CORO1C: variants seen among roughly 807,000 people sequenced by gnomAD.
CORO1C encodes the protein coronin 1C, also known as coronin-1C.
Under a neutral mutation model 51.2 loss-of-function variants are expected in CORO1C, and 14 were observed. The ratio of observed to expected loss-of-function variants is 0.27; its 90% CI spans 0.18 to 0.43. The LOEUF is 0.43. CORO1C is among the 20% of genes least tolerant of loss of function. The probability of loss-of-function intolerance (pLI) is 1.00; values close to 1 mark genes in which losing one functional copy is unlikely to be tolerated. For synonymous variants in CORO1C, 181 were observed against 210.5 expected, an observed-to-expected ratio of 0.86 and a Z score of 1.21; for missense variants, 417 against 607.8, an observed-to-expected ratio of 0.69 and a Z score of 3.30.
intron 1 of CORO1C, among the ~76,000 whole-genome samples, chr12:108,716,078 C>G (rs1459432882): frequency 7.7e-6 from 1 of 130,348 alleles, no homozygotes; most frequent in African/African-American, 2.9e-5. Flanking sequence ...TTGCAGTGAG[C>G]CAAGATCGCC....
intron 2 of CORO1C, among the ~76,000 whole-genome samples, chr12:108,698,105 G>A (rs1024914825): frequency 1.3e-5 from 2 of 152,164 alleles, no homozygotes; most frequent in Admixed American, 1.3e-4. Context: ...CAGGGCTCAC[G>A]GGCCAAGCCC....
At chr12:108,714,671 G>A (rs930092887) in intron 1 of CORO1C, among the ~76,000 whole-genome samples, 3 of 152,118 alleles carry the variant, frequency 2.0e-5, no homozygotes, top group South Asian at 2.1e-4. Context: ...CTGAGGGCAG[G>A]AGGATTGCTT....
In CORO1C at chr12:108,645,121, T is replaced by C. The variant is rs1279690240; in HGVS notation, c.*2282A>G. 4 of 151,618 alleles carry C rather than the reference T, an allele frequency of 2.6e-5. No individual in the cohort carries two copies. In the East Asian group the frequency reaches 7.7e-4, roughly 29 times the overall value. The allele number at this position is 151,618 out of a possible 1,614,324, so 9.4% of individuals were successfully genotyped here. A position where few individuals can be genotyped will look rare whatever the true frequency, so the allele number is the denominator to read the frequency against. ...AACACAAACACCATTTTGTAATCAA[T>C]GATTTTTATCTCTGAAAATGGAAGC... is the stretch of plus-strand genomic sequence containing the variant. On this transcript the variant is annotated 3_prime_UTR_variant, in exon 11 of 11. Coordinates refer to ENST00000261401, the MANE Select transcript of CORO1C (RefSeq NM_014325.4).
intron 1 of CORO1C, among the ~76,000 whole-genome samples, chr12:108,728,019 C>T (rs1009041586): frequency 6.6e-6 from 1 of 152,172 alleles, no homozygotes; most frequent in Non-Finnish European, 1.5e-5. Flanking sequence ...TAGGGAAACA[C>T]AGATGACTAG....
rs535245759 is a variant in CORO1C at position 108,675,119 on chromosome 12, G to A, written c.318+3153C>T. Among the ~76,000 whole-genome samples the A allele has an allele frequency of 3.3e-5, 5 of 152,264 alleles. No individual in the cohort carries two copies. The South Asian group carries it at 1.0e-3, about 32-fold the overall frequency. On this transcript the variant is annotated intron_variant, in intron 3 of 10. Coordinates refer to ENST00000261401, the MANE Select transcript of CORO1C (RefSeq NM_014325.4). ...TCATCAGTCAGCAGCCATCAACACTGAGGGGAAACCCTCCACAGCAAAAAG... is the reference window on the plus strand; with the variant it reads ...TCATCAGTCAGCAGCCATCAACACTAAGGGGAAACCCTCCACAGCAAAAAG...
intron 3 of CORO1C, among the ~76,000 whole-genome samples, chr12:108,669,143 T>G (rs1266594354): frequency 6.6e-6 from 1 of 152,232 alleles, no homozygotes; most frequent in Non-Finnish European, 1.5e-5. Flanking sequence ...GAATGTATCT[T>G]AAGATTGGTG....
At chr12:108,648,178 C>T (rs2032459318) in intron 10 of CORO1C, among the ~76,000 whole-genome samples, 2 of 152,278 alleles carry the variant, frequency 1.3e-5, no homozygotes, top group Admixed American at 1.3e-4. Flanking sequence ...CATCTGAACA[C>T]GTGCCACTCC....
chr12:108,651,496 G>A (rs116395482), intron 8 of CORO1C, among the ~76,000 whole-genome samples: 180 of 152,218 alleles, frequency 1.2e-3, no homozygotes, highest in Middle Eastern at 3.4e-3. Flanking sequence ...CTAACCTACC[G>A]CCCCATTATA....
intron 1 of CORO1C, among the ~76,000 whole-genome samples, chr12:108,719,945 G>A (rs2035436495): frequency 6.6e-6 from 1 of 152,184 alleles, no homozygotes. Context: ...AGCACTTTGG[G>A]AGGCTGAGGC....
intron 3 of CORO1C, among the ~76,000 whole-genome samples, chr12:108,671,282 G>A (rs558672786): frequency 1.3e-4 from 20 of 152,112 alleles, no homozygotes; most frequent in Admixed American, 3.3e-4. Context: ...GCATGATCGT[G>A]CCACTGTACT....
intron 4 of CORO1C, 32 bp downstream of exon 4, chr12:108,661,997 A>G (rs771125117): frequency 6.2e-7 from 1 of 1,613,602 alleles, no homozygotes; most frequent in African/African-American, 1.3e-5. Flanking sequence ...AGAGTGGAAG[A>G]CAAGGGGAGG....
chr12:108,647,846 A>G (rs1173883857), intron 10 of CORO1C, among the ~76,000 whole-genome samples: 1 of 152,182 alleles, frequency 6.6e-6, no homozygotes, highest in African/African-American at 2.4e-5. Context: ...GGCTCCTTCA[A>G]CAGTGTCCTA....
chr12:108,708,835 C>G (rs1348730588), intron 1 of CORO1C, among the ~76,000 whole-genome samples: 1 of 152,006 alleles, frequency 6.6e-6, no homozygotes, highest in Admixed American at 6.6e-5. Flanking sequence ...TCATTGCAGC[C>G]TGAAACTCCT....
chr12:108,726,150 A>C lies in CORO1C; in HGVS notation c.-6+5279T>G, dbSNP rs541835598. Among the ~76,000 whole-genome samples the C allele has an allele frequency of 5.3e-5, 8 of 152,306 alleles. No individual in the cohort carries two copies. In the South Asian group the frequency reaches 1.7e-3, roughly 32 times the overall value. On this transcript the variant is annotated intron_variant, in intron 1 of 10. Coordinates refer to ENST00000261401, the MANE Select transcript of CORO1C (RefSeq NM_014325.4). ...GCCCGGCATGAAATATTTTTAATTA[A>C]AGTATTTTAAAAATAAACATAATCT...
At chr12:108,707,324 T>C (rs928494365) in intron 1 of CORO1C, among the ~76,000 whole-genome samples, 6 of 152,198 alleles carry the variant, frequency 3.9e-5, no homozygotes, top group Non-Finnish European at 7.3e-5. Context: ...TGTGTGGTAC[T>C]GGAATAAGGA....
chr12:108,695,851 TAAA>T (rs924887183), intron 2 of CORO1C, among the ~76,000 whole-genome samples: 11 of 62,456 alleles, frequency 1.8e-4, no homozygotes, highest in Middle Eastern at 0.011. Flanking sequence ...TTGGGAGAAC[TAAA>T]AAAAAAAAAA....
chr12:108,678,332 T>C lies in CORO1C; in HGVS notation c.258A>G (p.Ile86Met). The C allele has an allele frequency of 6.2e-7, 1 of 1,612,566 alleles. No individual in the cohort carries two copies. Among genetic ancestry groups the C allele is most frequent in the Non-Finnish European group, 8.5e-7 (1 of 1,179,030 alleles). Residue 86 changes from isoleucine to methionine, a missense_variant, in exon 3 of 11, where the codon ATA (isoleucine) becomes ATG (methionine). Ile to Met is a conservative substitution (Grantham distance 10, BLOSUM62 1). Transcript: ENST00000261401. ...CCTGATCGTTATGTGGGCACCAGTC[T>C]ATGTCCAGCACTGGTCCTGTGTGGC... ...VCGHTGPVLD[I>M]DWCPHNDQVI...
intron 1 of CORO1C, among the ~76,000 whole-genome samples, chr12:108,726,118 C>T (rs1049167297): frequency 7.9e-5 from 12 of 152,162 alleles, no homozygotes; most frequent in Non-Finnish European, 1.6e-4. Flanking sequence ...CAGGTGTGAG[C>T]CACCACGCCC....
intron 1 of CORO1C, among the ~76,000 whole-genome samples, chr12:108,727,727 C>A (rs2035625574): frequency 6.6e-6 from 1 of 151,952 alleles, no homozygotes; most frequent in African/African-American, 2.4e-5. Flanking sequence ...CTAGTAAGAC[C>A]CCACTATTCA....
Sources: allele counts gnomAD v4.1 joint callset (sites outside exome capture counted in the v4.1 genomes callset), GRCh38; gene constraint gnomAD v4.1.1; transcripts MANE v1.5; gene names NCBI Gene and HGNC (gene_info 2026-07-23, HGNC 2026-07-21).